The following CACNB2 variants were observed in gnomAD, a reference collection of about 807,000 sequenced individuals.
The protein encoded by CACNB2 is calcium voltage-gated channel auxiliary subunit beta 2, also known as voltage-dependent L-type calcium channel subunit beta-2.
In CACNB2, 42 loss-of-function variants were observed where a neutral mutation model predicts 73.3. The observed-to-expected ratio is 0.57, with a 90% CI of 0.45 to 0.74. The LOEUF (loss-of-function observed/expected upper bound fraction) is 0.74. Ranked by LOEUF, CACNB2 falls within the 30% of genes least tolerant of loss-of-function variation. The probability of loss-of-function intolerance (pLI) is 0.00; values close to 1 mark genes in which losing one functional copy is unlikely to be tolerated. For missense variants in CACNB2, 940 were observed against 853.0 expected (o/e 1.10, Z -1.27); for synonymous variants, 348 against 310.3 (o/e 1.12, Z -1.28).
intron 2 of CACNB2, among the ~76,000 whole-genome samples, chr10:18,256,040 C>T (rs1399905185): frequency 6.6e-6 from 1 of 152,132 alleles, no homozygotes; most frequent in Non-Finnish European, 1.5e-5. Flanking sequence ...AAAGACTGGC[C>T]AGGAATAAAT....
At chr10:18,232,137 T>A (rs1306004271) in intron 2 of CACNB2, among the ~76,000 whole-genome samples, 1 of 152,206 alleles carries the variant, frequency 6.6e-6, no homozygotes, top group Non-Finnish European at 1.5e-5. Context: ...TTGGGGTTGA[T>A]CATTGGAGGA....
chr10:18,449,879 G>A (rs530367843), intron 3 of CACNB2, among the ~76,000 whole-genome samples: 1 of 152,288 alleles, frequency 6.6e-6, no homozygotes, highest in South Asian at 2.1e-4. Flanking sequence ...CCTCAGAAAG[G>A]TCACACACCA....
rs538671491 is a variant in CACNB2 at position 18,171,635 on chromosome 10, C to T, written c.213+20660C>T. ...ACTCTTATTTGACTCACTTAGTTTACACACCACCGTTCACACACCACCGTT... is the reference window on the plus strand; with the variant it reads ...ACTCTTATTTGACTCACTTAGTTTATACACCACCGTTCACACACCACCGTT... On this transcript the variant is annotated intron_variant, in intron 2 of 13. Transcript: ENST00000324631. Among the ~76,000 whole-genome samples the T allele has an allele frequency of 1.5e-4, 20 of 136,852 alleles. No homozygotes were observed. The South Asian group carries it at 5.4e-3, about 37-fold the overall frequency. 89.8% of individuals were successfully genotyped at this position (136,852 alleles called of 152,430 possible).
At chr10:18,448,375 T>A (rs1447209031) in intron 3 of CACNB2, among the ~76,000 whole-genome samples, 1 of 150,374 alleles carries the variant, frequency 6.7e-6, no homozygotes, top group African/African-American at 2.4e-5. Context: ...TCAGGAGCTC[T>A]GAGGCAGGAG....
intron 2 of CACNB2, among the ~76,000 whole-genome samples, chr10:18,401,514 C>T (rs1362014783): frequency 6.6e-6 from 1 of 152,108 alleles, no homozygotes; most frequent in Non-Finnish European, 1.5e-5. Flanking sequence ...ATAACTCAGA[C>T]TTTCTTTCAT....
chr10:18,268,938 T>C (rs2037929437), intron 2 of CACNB2, among the ~76,000 whole-genome samples: 1 of 152,122 alleles, frequency 6.6e-6, no homozygotes, highest in South Asian at 2.1e-4. Flanking sequence ...CTGGCCTTCT[T>C]CTTGATCAAG....
At chr10:18,531,806 G>A (rs775946211) in intron 10 of CACNB2, 13 of 151,480 alleles carry the variant, frequency 8.6e-5, no homozygotes, top group South Asian at 4.2e-4. Context: ...CATTGTTCCT[G>A]TTGTTGTTTA....
chr10:18,502,526 TAA>T (rs113303130), intron 5 of CACNB2, among the ~76,000 whole-genome samples: 7 of 132,000 alleles, frequency 5.3e-5, no homozygotes, highest in Non-Finnish European at 6.6e-5. Flanking sequence ...CCGTCTCTAC[TAA>T]AAAAAAAAAA....
chr10:18,254,564 A>T (rs1456874457), intron 2 of CACNB2, among the ~76,000 whole-genome samples: 1 of 152,226 alleles, frequency 6.6e-6, no homozygotes, highest in Non-Finnish European at 1.5e-5. Context: ...AAACCAAAAA[A>T]AATCCCGTAC....
chr10:18,181,562 T>A (rs936861821), intron 2 of CACNB2, among the ~76,000 whole-genome samples: 9 of 113,532 alleles, frequency 7.9e-5, no homozygotes, highest in Non-Finnish European at 1.3e-4. Flanking sequence ...GAGGATAACT[T>A]TTTTATTTTA....
At chr10:18,524,703 A>G (rs1302923837) in intron 9 of CACNB2, among the ~76,000 whole-genome samples, 1 of 149,850 alleles carries the variant, frequency 6.7e-6, no homozygotes, top group Non-Finnish European at 1.5e-5. Flanking sequence ...TGTTTATCTC[A>G]TGGAAACCAC....
chr10:18,226,211 G>A (rs2035987462), intron 2 of CACNB2, among the ~76,000 whole-genome samples: 1 of 151,814 alleles, frequency 6.6e-6, no homozygotes, highest in East Asian at 1.9e-4. Context: ...ATTTTTGGTA[G>A]CGAAGAGGTT....
chr10:18,342,348 C>A (rs944184708), intron 2 of CACNB2, among the ~76,000 whole-genome samples: 1 of 152,038 alleles, frequency 6.6e-6, no homozygotes, highest in African/African-American at 2.4e-5. Flanking sequence ...AGTCACGAGG[C>A]CAGGTATGGT....
chr10:18,439,333 A>T, intron 3 of CACNB2, among the ~76,000 whole-genome samples: 1 of 152,214 alleles, frequency 6.6e-6, no homozygotes, highest in Non-Finnish European at 1.5e-5. Context: ...CATCTCCAGC[A>T]GTAAGACACA....
intron 3 of CACNB2, among the ~76,000 whole-genome samples, chr10:18,440,186 C>A (rs983326995): frequency 6.6e-6 from 1 of 152,174 alleles, no homozygotes; most frequent in East Asian, 1.9e-4. Context: ...TCCTTCAATC[C>A]CTTTTATAAA....
chr10:18,171,587 T>TA (rs974444420), intron 2 of CACNB2, among the ~76,000 whole-genome samples: 2,681 of 104,420 alleles, frequency 0.026, 59 homozygotes, highest in Admixed American at 0.041. Context: ...AATTCCAGTT[T>TA]AAAAAAAAAA....
At chr10:18,414,450 A>C (rs1589282239) in intron 3 of CACNB2, among the ~76,000 whole-genome samples, 1 of 149,970 alleles carries the variant, frequency 6.7e-6, no homozygotes, top group South Asian at 2.1e-4. Flanking sequence ...TTTAAAAGGA[A>C]CCTGATGGTT....
At chr10:18,473,713 C>T (rs917219514) in intron 3 of CACNB2, among the ~76,000 whole-genome samples, 3 of 152,100 alleles carry the variant, frequency 2.0e-5, no homozygotes, top group Admixed American at 6.6e-5. Context: ...TTTAAATAGC[C>T]GAAGTGAAGA....
chr10:18,527,458 C>G (rs552715077), intron 9 of CACNB2, 130 bp from the exon 10 acceptor site: 1 of 690,726 alleles, frequency 1.4e-6, no homozygotes, highest in East Asian at 2.6e-5. Context: ...AGTAAGTATC[C>G]TAACACATAT....
Sources: allele counts gnomAD v4.1 joint callset (sites outside exome capture counted in the v4.1 genomes callset), GRCh38; gene constraint gnomAD v4.1.1; transcripts MANE v1.5; gene names NCBI Gene and HGNC (gene_info 2026-07-23, HGNC 2026-07-21).